The following MCTP1 variants were observed in gnomAD, a reference collection of about 807,000 sequenced individuals.
MCTP1 encodes the protein multiple C2 and transmembrane domain containing 1.
In MCTP1, 69 loss-of-function variants were observed where a neutral mutation model predicts 120.6. The observed-to-expected ratio is 0.57, with a 90% CI of 0.47 to 0.70. The LOEUF is 0.70. Ranked by LOEUF, MCTP1 falls within the 30% of genes least tolerant of loss-of-function variation. MCTP1 has a pLI of 0.00. For synonymous variants in MCTP1, 529 were observed against 493.1 expected (o/e 1.07, Z -0.96); for missense variants, 1,203 against 1,248.8 (o/e 0.96, Z 0.55).
chr5:95,061,211 T>G (rs931120170), intron 1 of MCTP1, among the ~76,000 whole-genome samples: 4 of 150,900 alleles, frequency 2.7e-5, no homozygotes, highest in African/African-American at 9.7e-5. Flanking sequence ...AAGAAAAGAC[T>G]TAAGGAACCA....
In MCTP1 at chr5:94,912,933, G is replaced by A. The variant is rs370579973; in HGVS notation, c.1394C>T (p.Ser465Leu). ...GCTGACTATTCCTCTCCAAAGATGC[G>A]ATTTTCTGTGTAGGTCTGATAGGCG... ...SLRLSDLHRK[S>L]HLWRGIVSIT... Residue 465 changes from serine (S) to leucine (L), a missense_variant, in exon 9 of 23, where the codon TCG becomes TTG. By Grantham distance (145) the Ser-to-Leu change is moderately radical. Around this residue, in one of 2 missense-constraint regions of MCTP1, gnomAD observed 740 missense variants for 871.1 expected, o/e 0.85. Transcript: ENST00000515393. 1.1e-5 allele frequency: 18 copies of A among 1,603,950 alleles called. No individual in the cohort carries two copies. The highest frequency in any genetic ancestry group is 1.7e-5 in the Admixed American group (1 of 58,332).
chr5:95,164,060 A>T (rs1037228913), intron 1 of MCTP1, among the ~76,000 whole-genome samples: 7 of 152,158 alleles, frequency 4.6e-5, no homozygotes, highest in Non-Finnish European at 1.0e-4. Flanking sequence ...GAGTTCATAT[A>T]TTCTATTTTC....
At chr5:95,203,063 C>A (rs1467888263) in intron 1 of MCTP1, among the ~76,000 whole-genome samples, 3 of 152,154 alleles carry the variant, frequency 2.0e-5, no homozygotes, top group African/African-American at 7.2e-5. Context: ...TAAAAATTTT[C>A]TTCTACTCTT....
chr5:94,735,005 C>T (rs1051019110), intron 19 of MCTP1, among the ~76,000 whole-genome samples: 11 of 152,104 alleles, frequency 7.2e-5, no homozygotes, highest in African/African-American at 2.4e-4. Flanking sequence ...TAGCAAAGAA[C>T]ACCTTGTCTA....
At chr5:94,764,474 T>C (rs1011939934) in intron 19 of MCTP1, among the ~76,000 whole-genome samples, 2 of 152,122 alleles carry the variant, frequency 1.3e-5, no homozygotes, top group African/African-American at 4.8e-5. Context: ...AAAACAATAG[T>C]ACCACCAAAA....
In MCTP1 at chr5:95,117,513, CA is replaced by C. The variant is rs557163481; in HGVS notation, c.721-100030del. Among the ~76,000 whole-genome samples the C allele has an allele frequency of 7.4e-5, 11 of 149,134 alleles. No individual in the cohort carries two copies. The East Asian group carries it at 2.2e-3, about 30-fold the overall frequency. ...TGGTGATTATTAGAAAGTCAAGAAACAACATGTTGGCAAGGTTGCAGAGAAA... is the reference window on the plus strand; with the variant it reads ...TGGTGATTATTAGAAAGTCAAGAAACACATGTTGGCAAGGTTGCAGAGAAA... On this transcript the variant is annotated intron_variant, in intron 1 of 22. Coordinates refer to ENST00000515393, the MANE Select transcript of MCTP1 (RefSeq NM_024717.7).
intron 12 of MCTP1, among the ~76,000 whole-genome samples, chr5:94,879,760 A>C (rs1243436636): frequency 6.6e-6 from 1 of 152,154 alleles, no homozygotes; most frequent in Admixed American, 6.6e-5. Flanking sequence ...TATTATTATG[A>C]AGATAGTTTT....
In MCTP1 at chr5:94,986,378, T is replaced by C. The variant is rs189570800; in HGVS notation, c.838+30989A>G. On this transcript the variant is annotated intron_variant, in intron 2 of 22. Coordinates refer to ENST00000515393, the MANE Select transcript of MCTP1 (RefSeq NM_024717.7). Reference sequence around the variant, plus strand: ...GTATACCCACTGGTTTGTGTAATCCTGGACCTCTGCTAAATTTCAGTCCTC... The same window carrying C: ...GTATACCCACTGGTTTGTGTAATCCCGGACCTCTGCTAAATTTCAGTCCTC... Among the ~76,000 whole-genome samples the C allele has an allele frequency of 3.2e-3, 485 of 152,314 alleles. 4 individuals are homozygous for C. Among genetic ancestry groups the C allele is most frequent in the Non-Finnish European group, 3.5e-3 (241 of 68,016 alleles).
chr5:95,262,705 T>C (rs1217185819), intron 1 of MCTP1, among the ~76,000 whole-genome samples: 3 of 152,142 alleles, frequency 2.0e-5, no homozygotes, highest in Non-Finnish European at 4.4e-5. Flanking sequence ...TAGCTTAATT[T>C]AAAAACCTAA....
intron 1 of MCTP1, among the ~76,000 whole-genome samples, chr5:95,079,218 A>C (rs1754336390): frequency 6.6e-6 from 1 of 152,166 alleles, no homozygotes; most frequent in Non-Finnish European, 1.5e-5. Flanking sequence ...TCTCCTGGTG[A>C]GTTCAAAATG....
intron 3 of MCTP1, among the ~76,000 whole-genome samples, chr5:94,946,792 G>T (rs1397205437): frequency 1.3e-5 from 2 of 152,150 alleles, no homozygotes; most frequent in Non-Finnish European, 2.9e-5. Context: ...TCTCACTCAG[G>T]TCTTGCTTTG....
intron 17 of MCTP1, among the ~76,000 whole-genome samples, chr5:94,810,527 C>G (rs934569026): frequency 2.6e-5 from 4 of 152,184 alleles, no homozygotes; most frequent in African/African-American, 9.6e-5. Context: ...AGCTATCTAA[C>G]AAGCCAAACA....
chr5:95,180,885 A>G (rs971363691), intron 1 of MCTP1, among the ~76,000 whole-genome samples: 1 of 151,712 alleles, frequency 6.6e-6, no homozygotes, highest in Non-Finnish European at 1.5e-5. Flanking sequence ...CCAAAAACTT[A>G]GGAATGATCT....
chr5:95,191,317 C>T (rs944089332), intron 1 of MCTP1, among the ~76,000 whole-genome samples: 22 of 151,956 alleles, frequency 1.4e-4, no homozygotes, highest in African/African-American at 5.1e-4. Context: ...TGTATTTAGA[C>T]AGTTTAAGCA....
At chr5:95,129,811 C>A (rs1758906745) in intron 1 of MCTP1, among the ~76,000 whole-genome samples, 1 of 152,180 alleles carries the variant, frequency 6.6e-6, no homozygotes, top group South Asian at 2.1e-4. Flanking sequence ...CAGGCACCTG[C>A]CACCATGCCT....
At chr5:94,825,488 A>T (rs937042883) in intron 17 of MCTP1, among the ~76,000 whole-genome samples, 5 of 152,084 alleles carry the variant, frequency 3.3e-5, no homozygotes, top group African/African-American at 4.8e-5. Context: ...AATAAGTGCT[A>T]TGTGGTGCTG....
intron 1 of MCTP1, among the ~76,000 whole-genome samples, chr5:95,191,673 T>C (rs1381135479): frequency 6.6e-6 from 1 of 152,062 alleles, no homozygotes; most frequent in Admixed American, 6.6e-5. Flanking sequence ...ATATTTCCTC[T>C]ACTATTCTTT....
intron 17 of MCTP1, among the ~76,000 whole-genome samples, chr5:94,814,944 T>C (rs1784194759): frequency 6.6e-6 from 1 of 152,176 alleles, no homozygotes. Context: ...TTCATTTGCA[T>C]TCCTCAGTGA....
chr5:95,275,390 C>T (rs1419712554), intron 1 of MCTP1, among the ~76,000 whole-genome samples: 1 of 152,182 alleles, frequency 6.6e-6, no homozygotes, highest in Non-Finnish European at 1.5e-5. Context: ...GCAGCTGCTC[C>T]TTCCAGAGGG....
Sources: gnomAD v4.1 joint callset for allele counts (sites outside exome capture counted in the v4.1 genomes callset) on GRCh38, gnomAD v4.1.1 for gene constraint, gnomAD v4.1.1 regional missense constraint, MANE v1.5 for transcripts, NCBI Gene and HGNC (gene_info 2026-07-23, HGNC 2026-07-21) for gene names.